Variants in BFAR observed in about 807,000 individuals in gnomAD.
BFAR encodes bifunctional apoptosis regulator.
BFAR carries 52 observed loss-of-function variants against 54.4 expected under a neutral mutation model. The observed-to-expected ratio is 0.96, with a 90% CI of 0.77 to 1.21. The LOEUF is 1.21. Among genes scored for constraint, BFAR ranks in the 50% most tolerant of loss-of-function variants. The pLI, the probability that BFAR is intolerant of heterozygous loss-of-function variation, is 0.00. For missense variants in BFAR, 571 were observed against 534.0 expected, an observed-to-expected ratio of 1.07 and a Z score of -0.68; for synonymous variants, 215 against 204.3, an observed-to-expected ratio of 1.05 and a Z score of -0.45.
intron 1 of BFAR, among the ~76,000 whole-genome samples, chr16:14,634,790 G>A (rs905471676): frequency 6.6e-6 from 1 of 152,206 alleles, no homozygotes; most frequent in Non-Finnish European, 1.5e-5. Flanking sequence ...ACCCAGATCA[G>A]TGTCACTCCT....
At chr16:14,640,741 G>T (rs115010511) in intron 1 of BFAR, among the ~76,000 whole-genome samples, 1 of 152,150 alleles carries the variant, frequency 6.6e-6, no homozygotes, top group Non-Finnish European at 1.5e-5. Context: ...GAAGTGTGTC[G>T]CACATTAACA....
chr16:14,633,602 C>A (rs1320102772), intron 1 of BFAR: 1 of 152,264 alleles, frequency 6.6e-6, no homozygotes, highest in South Asian at 2.1e-4. Context: ...GAACTCGGCT[C>A]TTCTGATTCT....
Position 14,655,079 on chromosome 16 carries a change from T to C in BFAR, c.652T>C (p.Leu218=), listed in dbSNP as rs369591527. Reference sequence around the variant, plus strand: ...GCCCCTCTACAGGTTGCTTTTAACTTTGACAGAGGAAGAATTTTCCAAGAC... The same window carrying C: ...GCCCCTCTACAGGTTGCTTTTAACTCTGACAGAGGAAGAATTTTCCAAGAC... ...ERVNGRLLLT[L]TEEEFSKTPY... The change falls in exon 5 of 8, where the codon TTG becomes CTG. Residue 218 remains leucine, a synonymous_variant. Coordinates refer to ENST00000261658, the MANE Select transcript of BFAR (RefSeq NM_016561.3). 15 of 1,606,162 alleles carry C rather than the reference T, an allele frequency of 9.3e-6. No homozygotes were observed. The African/African-American group carries it at 2.0e-4, about 22-fold the overall frequency.
intron 2 of BFAR, 97 bp from the exon 3 acceptor site, chr16:14,648,289 CTA>C: frequency 1.1e-6 from 1 of 881,882 alleles, no homozygotes; most frequent in Non-Finnish European, 1.8e-6. Flanking sequence ...CCTAGGGTAG[CTA>C]TATATTATTA....
At chr16:14,659,402 G>T (rs34936342) in intron 5 of BFAR, among the ~76,000 whole-genome samples, 18,182 of 149,658 alleles carry the variant, frequency 0.12, 1,348 homozygotes, top group Non-Finnish European at 0.18. Flanking sequence ...CCACCACACC[G>T]GCTAATTTTT....
intron 1 of BFAR, among the ~76,000 whole-genome samples, chr16:14,643,497 T>C (rs957592204): frequency 2.6e-5 from 4 of 152,136 alleles, no homozygotes; most frequent in African/African-American, 7.2e-5. Flanking sequence ...CAGAAAGAAA[T>C]TGAATGCTGA....
intron 5 of BFAR, among the ~76,000 whole-genome samples, chr16:14,657,444 T>G (rs1960160587): frequency 6.6e-6 from 1 of 152,016 alleles, no homozygotes; most frequent in Non-Finnish European, 1.5e-5. Flanking sequence ...GAGACGAGCT[T>G]TCACCATGTT....
Position 14,664,406 on chromosome 16 carries a change from A to AC in BFAR, c.958-463_958-462insC, listed in dbSNP as rs199894811. ...ACTCCGTCTCAAAAAAAAAAAAAAA[A>AC]AAAACAATTACAAGATGAGTTGATG... On this transcript the variant is annotated intron_variant, in intron 6 of 7. Transcript: ENST00000261658. 2.0e-3 allele frequency among the ~76,000 whole-genome samples: 303 copies of AC among 151,270 alleles called. 1 individual carries two copies. The highest frequency in any genetic ancestry group is 3.4e-3 in the African/African-American group (142 of 41,176).
intron 1 of BFAR, among the ~76,000 whole-genome samples, chr16:14,640,635 G>GAC (rs1959592306): frequency 6.6e-6 from 1 of 152,204 alleles, no homozygotes; most frequent in Non-Finnish European, 1.5e-5. Context: ...CTGGTGGTGA[G>GAC]ACTGTTCCAG....
chr16:14,637,589 A>C (rs570697432), intron 1 of BFAR, among the ~76,000 whole-genome samples: 1 of 152,326 alleles, frequency 6.6e-6, no homozygotes, highest in Non-Finnish European at 1.5e-5. Flanking sequence ...AAATCCCAGC[A>C]CTTTGAGAGG....
chr16:14,647,416 C>T (rs1005199411), intron 2 of BFAR, among the ~76,000 whole-genome samples: 2 of 152,038 alleles, frequency 1.3e-5, no homozygotes, highest in Non-Finnish European at 2.9e-5. Flanking sequence ...ATGTGCCAGG[C>T]TGGGTGCGGT....
chr16:14,641,896 AT>A (rs1434583237), intron 1 of BFAR, among the ~76,000 whole-genome samples: 6 of 152,216 alleles, frequency 3.9e-5, no homozygotes, highest in Admixed American at 2.6e-4. Context: ...AATTGTTACC[AT>A]TTATGGTAGA....
intron 2 of BFAR, among the ~76,000 whole-genome samples, chr16:14,647,761 T>C (rs1452693855): frequency 1.3e-5 from 2 of 152,198 alleles, no homozygotes; most frequent in Non-Finnish European, 2.9e-5. Flanking sequence ...TTCTGCAGTT[T>C]ACTATTTTAA....
chr16:14,643,186 ACCTGTAATC>A (rs1293876742), intron 1 of BFAR, among the ~76,000 whole-genome samples: 6 of 152,142 alleles, frequency 3.9e-5, no homozygotes, highest in Non-Finnish European at 7.3e-5. Flanking sequence ...AATGGCACGC[ACCTGTAATC>A]CCAGCTACTT....
chr16:14,664,963 G>C lies in BFAR; in HGVS notation c.1052G>C (p.Trp351Ser), dbSNP rs1228224343. The C allele has an allele frequency of 1.2e-6, 2 of 1,613,794 alleles. No individual in the cohort carries two copies. Among genetic ancestry groups the C allele is most frequent in the Non-Finnish European group, 1.7e-6 (2 of 1,179,700 alleles). ...CTGATTGCTGAGTTTGCTTGGGACT[G>C]GTTGGAGGTCCATTACTGGACATCA... ...YQLIAEFAWD[W>S]LEVHYWTSRF... The change falls in exon 7 of 8, where the codon TGG becomes TCG. Residue 351 changes from tryptophan (W) to serine (S), a missense_variant. Coordinates refer to ENST00000261658, the MANE Select transcript of BFAR (RefSeq NM_016561.3).
At chr16:14,665,335 G>A (rs572267444) in intron 7 of BFAR, among the ~76,000 whole-genome samples, 1 of 151,894 alleles carries the variant, frequency 6.6e-6, no homozygotes, top group African/African-American at 2.4e-5. Context: ...TCAGGGGGAG[G>A]GGGGCAAAGG....
chr16:14,655,096 T>G lies in BFAR; in HGVS notation c.669T>G (p.Phe223Leu), dbSNP rs758474913. The G allele has an allele frequency of 2.7e-5, 43 of 1,609,878 alleles. No homozygotes were observed. Among genetic ancestry groups the G allele is most frequent in the Non-Finnish European group, 3.6e-5 (42 of 1,178,578 alleles). The change falls in exon 5 of 8, where the codon TTT (phenylalanine) becomes TTG (leucine). Residue 223 changes from phenylalanine to leucine, a missense_variant. Transcript: ENST00000261658. ...TTTTAACTTTGACAGAGGAAGAATT[T>G]TCCAAGACGCCCTATACCATAGAAA... is the stretch of plus-strand genomic sequence containing the variant. Reference protein sequence around the residue: ...RLLLTLTEEEFSKTPYTIENS... With the variant: ...RLLLTLTEEELSKTPYTIENS...
rs1174050109 is a variant in BFAR at position 14,667,733 on chromosome 16, A to G, written c.1259A>G (p.Asn420Ser). Residue 420 changes from asparagine (N) to serine (S), a missense_variant, in exon 8 of 8, where the codon AAC (asparagine) becomes AGC (serine). Physicochemically the swap from Asn to Ser is conservative, Grantham distance 46 (BLOSUM62 1). Coordinates refer to ENST00000261658, the MANE Select transcript of BFAR (RefSeq NM_016561.3). ...FWPLIPQFVC[N>S]CLFYWALYFN... ...CCCCTCATCCCTCAGTTTGTTTGCA[A>G]CTGTTTGTTTTACTGGGCCCTGTAC... 3.1e-6 allele frequency: 5 copies of G among 1,614,036 alleles called. No homozygotes were observed. Among genetic ancestry groups the G allele is most frequent in the Non-Finnish European group, 2.5e-6 (3 of 1,179,932 alleles).
chr16:14,658,490 A>C (rs1013948208), intron 5 of BFAR, among the ~76,000 whole-genome samples: 14 of 152,166 alleles, frequency 9.2e-5, no homozygotes, highest in African/African-American at 3.4e-4. Context: ...TTTGTTAGAA[A>C]GGAAAATGAT....
Sources: gnomAD v4.1 joint callset for allele counts (sites outside exome capture counted in the v4.1 genomes callset) on GRCh38, gnomAD v4.1.1 for gene constraint, MANE v1.5 for transcripts, NCBI Gene and HGNC (gene_info 2026-07-23, HGNC 2026-07-21) for gene names.